Variants in E2F5 observed in about 807,000 individuals in gnomAD.
E2F5 encodes the protein E2F transcription factor 5, also known as transcription factor E2F5.
Under a neutral mutation model 39.1 loss-of-function variants are expected in E2F5, and 23 were observed. The observed-to-expected ratio is 0.59, with a 90% confidence interval of 0.42 to 0.83. The LOEUF (loss-of-function observed/expected upper bound fraction) is 0.83. Among genes scored for constraint, E2F5 ranks in the 40% least tolerant of loss-of-function variants. The pLI, the probability that E2F5 is intolerant of heterozygous loss-of-function variation, is 0.00. For synonymous variants in E2F5, 145 were observed against 157.8 expected (o/e 0.92, Z 0.61); for missense variants, 365 against 406.7 (o/e 0.90, Z 0.88).
At chr8:85,186,505 GTA>G (rs1435324560) in intron 1 of E2F5, among the ~76,000 whole-genome samples, 2 of 150,918 alleles carry the variant, frequency 1.3e-5, no homozygotes, top group African/African-American at 4.9e-5. Context: ...TAAGGTGTGT[GTA>G]TGTGTGTGTG....
At chr8:85,180,511 CATAT>C (rs58188216) in intron 1 of E2F5, among the ~76,000 whole-genome samples, 127 of 80,798 alleles carry the variant, frequency 1.6e-3, no homozygotes, top group East Asian at 7.4e-3. Context: ...AGAAACTATA[CATAT>C]ATATATATAT....
chr8:85,180,663 C>T (rs1294929874), intron 1 of E2F5, among the ~76,000 whole-genome samples: 55 of 144,838 alleles, frequency 3.8e-4, no homozygotes, highest in African/African-American at 1.4e-3. Flanking sequence ...CTGCAAGCTC[C>T]GCCTCCCGGG....
chr8:85,177,401 C>A lies in E2F5; in HGVS notation c.-20C>A. 1.0e-6 allele frequency: 1 copy of A among 987,506 alleles called. No individual in the cohort carries two copies. Among genetic ancestry groups the A allele is most frequent in the South Asian group, 4.6e-5 (1 of 21,732 alleles). 61.2% of individuals were successfully genotyped at this position (987,506 alleles called of 1,614,324 possible). A position where few individuals can be genotyped will look rare whatever the true frequency, so the allele number is the denominator to read the frequency against. On this transcript the variant is annotated 5_prime_UTR_variant, in exon 1 of 8. Transcript: ENST00000416274. ...GAGCGAAAGTGCGCGGGGGCCCGAC[C>A]ACCGCGGGGCCGGGACGCGATGGCG...
At chr8:85,181,519 A>G (rs995081208) in intron 1 of E2F5, among the ~76,000 whole-genome samples, 1 of 106,274 alleles carries the variant, frequency 9.4e-6, no homozygotes, top group African/African-American at 3.6e-5. Context: ...TTTTTTTTGT[A>G]TTTTTAGTAG....
At chr8:85,180,542 A>ATATATATATG (rs1812186281) in intron 1 of E2F5, among the ~76,000 whole-genome samples, 5 of 28,110 alleles carry the variant, frequency 1.8e-4, no homozygotes, top group Admixed American at 3.2e-4. Context: ...ATATATATAT[A>ATATATATATG]TATATATATA....
chr8:85,182,445 A>G (rs945782129), intron 1 of E2F5, among the ~76,000 whole-genome samples: 2 of 152,206 alleles, frequency 1.3e-5, no homozygotes, highest in Non-Finnish European at 2.9e-5. Flanking sequence ...GTTATTCTCT[A>G]TGTTATACCA....
chr8:85,206,887 A>G (rs1812812046), intron 4 of E2F5, among the ~76,000 whole-genome samples: 2 of 152,194 alleles, frequency 1.3e-5, no homozygotes, highest in South Asian at 2.1e-4. Context: ...CTGACTTTCT[A>G]TGTAAGACTA....
At chr8:85,190,065 C>T (rs1471768646) in intron 1 of E2F5, among the ~76,000 whole-genome samples, 1 of 152,174 alleles carries the variant, frequency 6.6e-6, no homozygotes, top group African/African-American at 2.4e-5. Flanking sequence ...GTTCAGACAC[C>T]TACAAGATCC....
chr8:85,185,959 C>G (rs1812324733), intron 1 of E2F5, among the ~76,000 whole-genome samples: 2 of 152,134 alleles, frequency 1.3e-5, no homozygotes, highest in Non-Finnish European at 2.9e-5. Flanking sequence ...GGTGATTCCT[C>G]AAGGATCTAG....
In E2F5 at chr8:85,207,504, TTATGTTTA is replaced by T; in HGVS notation, c.615+19_615+26del. The T allele has an allele frequency of 6.5e-7, 1 of 1,546,008 alleles. No homozygotes were observed. Among genetic ancestry groups the T allele is most frequent in the Non-Finnish European group, 8.7e-7 (1 of 1,144,282 alleles). ...TTCCAGAAATGGTATGTAGGATAAC[TTATGTTTA>T]TATAAGTGGGAAAAATGAATCTACT... On this transcript the variant is annotated intron_variant, in intron 5 of 7. Transcript: ENST00000416274.
At chr8:85,203,311 A>T in intron 3 of E2F5, 56 bp downstream of exon 3, 1 of 1,363,212 alleles carries the variant, frequency 7.3e-7, no homozygotes, top group Non-Finnish European at 9.6e-7. Context: ...TGTATGTATA[A>T]ATCATTTCAG....
At chr8:85,186,398 C>T (rs975914874) in intron 1 of E2F5, among the ~76,000 whole-genome samples, 2 of 151,892 alleles carry the variant, frequency 1.3e-5, no homozygotes, top group African/African-American at 4.8e-5. Flanking sequence ...ACAGAAATAC[C>T]TAATGTGGGT....
intron 1 of E2F5, among the ~76,000 whole-genome samples, chr8:85,181,903 G>C (rs1213079098): frequency 6.6e-6 from 1 of 151,800 alleles, no homozygotes; most frequent in Non-Finnish European, 1.5e-5. Flanking sequence ...GGAGGTTGCA[G>C]TGAGCCGAGA....
At chr8:85,188,379 T>C (rs934473657) in intron 1 of E2F5, among the ~76,000 whole-genome samples, 1 of 150,846 alleles carries the variant, frequency 6.6e-6, no homozygotes, top group African/African-American at 2.4e-5. Flanking sequence ...AAAACACTTC[T>C]GGTAGTCATG....
rs1318309896 is a variant in E2F5 at position 85,209,125 on chromosome 8, A to T, written c.616-17A>T. Reference sequence around the variant, plus strand: ...TGTTAATAATTATACATTTGTTTATACCCAATAACTTCAAAGGGTCAGAAT... The same window carrying T: ...TGTTAATAATTATACATTTGTTTATTCCCAATAACTTCAAAGGGTCAGAAT... On this transcript the variant is annotated splice_polypyrimidine_tract_variant and intron_variant, in intron 5 of 7. Transcript: ENST00000416274. The T allele has an allele frequency of 6.2e-7, 1 of 1,610,378 alleles. No individual in the cohort carries two copies. The highest frequency in any genetic ancestry group is 1.1e-5 in the South Asian group (1 of 90,812).
intron 1 of E2F5, among the ~76,000 whole-genome samples, chr8:85,193,109 A>T (rs972400565): frequency 2.6e-5 from 4 of 152,080 alleles, no homozygotes; most frequent in Non-Finnish European, 5.9e-5. Context: ...GGGTATTCTA[A>T]TTTTTTTTAT....
At chr8:85,209,868 G>A (rs1473046903) in intron 6 of E2F5, among the ~76,000 whole-genome samples, 1 of 152,162 alleles carries the variant, frequency 6.6e-6, no homozygotes, top group African/African-American at 2.4e-5. Context: ...ATGGACCATA[G>A]TGACTTATGC....
intron 1 of E2F5, chr8:85,177,878 G>A: frequency 1.4e-6 from 1 of 727,008 alleles, no homozygotes; most frequent in Non-Finnish European, 1.8e-6. Flanking sequence ...AACCAATGGG[G>A]CCCGGCGCCA....
chr8:85,181,447 C>G (rs1421821855), intron 1 of E2F5, among the ~76,000 whole-genome samples: 15 of 151,068 alleles, frequency 9.9e-5, no homozygotes, highest in African/African-American at 2.7e-4. Flanking sequence ...TCTCCTGCCT[C>G]AGGCTCCTGA....
Sources: gnomAD v4.1 joint callset for allele counts (sites outside exome capture counted in the v4.1 genomes callset) on GRCh38, gnomAD v4.1.1 for gene constraint, MANE v1.5 for transcripts, NCBI Gene and HGNC (gene_info 2026-07-23, HGNC 2026-07-21) for gene names.